NFKB2: variants seen among roughly 807,000 people sequenced by gnomAD.
The protein encoded by NFKB2 is nuclear factor NF-kappa-B p100 subunit.
Under a neutral mutation model 109.3 loss-of-function variants are expected in NFKB2, and 21 were observed. That is an observed-to-expected ratio of 0.19 (90% CI 0.14 to 0.28). The LOEUF is 0.28. Among genes scored for constraint, NFKB2 ranks in the 10% least tolerant of loss-of-function variants. NFKB2 has a pLI of 1.00. For missense variants in NFKB2, 806 were observed against 1,185.3 expected, an observed-to-expected ratio of 0.68 and a Z score of 4.70; for synonymous variants, 478 against 489.9, an observed-to-expected ratio of 0.98 and a Z score of 0.32.
Position 102,397,141 on chromosome 10 carries a change from A to C in NFKB2, c.395+86A>C. 6.4e-7 allele frequency: 1 copy of C among 1,567,808 alleles called. No individual in the cohort carries two copies. The highest frequency in any genetic ancestry group is 8.7e-7 in the Non-Finnish European group (1 of 1,151,724). On this transcript the variant is annotated intron_variant, in intron 6 of 22. Coordinates refer to ENST00000661543, the MANE Select transcript of NFKB2 (RefSeq NM_001322934.2). The surrounding 1 kb of genome is among the most constrained non-coding windows in gnomAD (Gnocchi z 4.7). The stretch of plus-strand genomic sequence containing the variant: ...CCCACCTCCATGAGCTTAGCATCTG[A>C]CCAAGGGGAAAGATGTAGGTTGGCC...
At chr10:102,395,451 A>G (rs1589856334), upstream of NFKB2, among the ~76,000 whole-genome samples, 1 of 152,290 alleles carries the variant, frequency 6.6e-6, no homozygotes, top group East Asian at 1.9e-4. Context: ...ACTTGGCCCC[A>G]GACTGCCAGC....
At chr10:102,395,444 T>G (rs1027973494), upstream of NFKB2, among the ~76,000 whole-genome samples, 1 of 152,144 alleles carries the variant, frequency 6.6e-6, no homozygotes, top group Non-Finnish European at 1.5e-5. Context: ...GAGGCGGACT[T>G]GGCCCCAGAC....
chr10:102,396,182 T>C lies in NFKB2; in HGVS notation c.22-71T>C. The C allele has an allele frequency of 6.5e-7, 1 of 1,534,690 alleles. No individual in the cohort carries two copies. The highest frequency in any genetic ancestry group is 8.9e-7 in the Non-Finnish European group (1 of 1,117,704). On this transcript the variant is annotated intron_variant, in intron 2 of 22. Coordinates refer to ENST00000661543, the MANE Select transcript of NFKB2 (RefSeq NM_001322934.2). This position sits in a 1 kb window ranked among gnomAD's most constrained non-coding sequence, Gnocchi z 5.9. ...GGAGGGGGGAGTGACCACTGAAGAC[T>C]TGGAGATGGGAGGTGGGGCTGTGGG...
chr10:102,399,595 G>T lies in NFKB2; in HGVS notation c.1346G>T (p.Arg449Leu), dbSNP rs1425430729. ...CCCGTAGCTCGAGAGTACAACGCGC[G>T]CCTGTTCGGCCTGGCGCAGCGCAGC... is the stretch of plus-strand genomic sequence containing the variant. ...MLQRAREYNA[R>L]LFGLAQRSAR... is the part of the protein sequence containing the mutation. The change falls in exon 14 of 23, where the codon CGC becomes CTC. Residue 449 changes from arginine to leucine, a missense_variant. Arg to Leu is a moderately radical substitution (Grantham distance 102). Around this residue, in one of 10 missense-constraint regions of NFKB2, gnomAD observed 209 missense variants for 211.9 expected, o/e 0.99. Coordinates refer to ENST00000661543, the MANE Select transcript of NFKB2 (RefSeq NM_001322934.2). 33 of 1,549,198 alleles carry T rather than the reference G, an allele frequency of 2.1e-5. No homozygotes were observed. Among genetic ancestry groups the T allele is most frequent in the Non-Finnish European group, 2.7e-5 (31 of 1,146,990 alleles).
rs374045556 is a variant in NFKB2, at chr10:102,397,546, G to T, written c.522G>T (p.Leu174=). 12 of 1,613,328 alleles carry T rather than the reference G, an allele frequency of 7.4e-6. No individual in the cohort carries two copies. The African/African-American group carries it at 1.2e-4, about 16-fold the overall frequency. ...GCCCAGAGGCCGAGCAGCGGGAGCTGGAGCAAGAGGCCAAAGAACTGAAGA... is the reference window on the plus strand; with the variant it reads ...GCCCAGAGGCCGAGCAGCGGGAGCTTGAGCAAGAGGCCAAAGAACTGAAGA... ...QGLTEAEQRE[L]EQEAKELKKV... The change falls in exon 8 of 23, where the codon CTG becomes CTT. Residue 174 remains leucine, a synonymous_variant. Coordinates refer to ENST00000661543, the MANE Select transcript of NFKB2 (RefSeq NM_001322934.2). This position sits in a 1 kb window ranked among gnomAD's most constrained non-coding sequence, Gnocchi z 4.7.
At position 102,399,058 on chromosome 10, in the gene NFKB2, C is replaced by G; in HGVS notation, c.1117+194C>G. ...TGAAACCTCGTCTCTACTAAAAATA[C>G]AAACATTAGCTGGGCATGGTGGCAG... On this transcript the variant is annotated intron_variant, in intron 12 of 22. Transcript: ENST00000661543. 9.5e-6 allele frequency: 7 copies of G among 735,170 alleles called. No individual in the cohort carries two copies. In the South Asian group the frequency reaches 1.3e-4, roughly 14 times the overall value. The allele number at this position is 735,170 out of a possible 1,614,324, so 45.5% of individuals were successfully genotyped here. A position where few individuals can be genotyped will look rare whatever the true frequency, so the allele number is the denominator to read the frequency against.
At position 102,397,443 on chromosome 10, in the gene NFKB2, AG is replaced by A; in HGVS notation, c.502+40del. On this transcript the variant is annotated intron_variant, in intron 7 of 22. Coordinates refer to ENST00000661543, the MANE Select transcript of NFKB2 (RefSeq NM_001322934.2). This position sits in a 1 kb window ranked among gnomAD's most constrained non-coding sequence, Gnocchi z 4.7. ...CAGGGGGTGGGTCGGGTATGGGTGCAGGGGGTGGGTGGGTCATGGGAGGTGC... is the reference window on the plus strand; with the variant it reads ...CAGGGGGTGGGTCGGGTATGGGTGCAGGGGTGGGTGGGTCATGGGAGGTGC... The A allele has an allele frequency of 2.3e-5, 3 of 131,978 alleles. No homozygotes were observed. Among genetic ancestry groups the A allele is most frequent in the Non-Finnish European group, 2.3e-5 (2 of 88,346 alleles). 8.2% of individuals were successfully genotyped at this position (131,978 alleles called of 1,614,324 possible).
rs763926889 is a variant in NFKB2 at position 102,401,786 on chromosome 10, G to A, written c.2335G>A (p.Glu779Lys). 6.2e-7 allele frequency: 1 copy of A among 1,612,948 alleles called. No individual in the cohort carries two copies. The highest frequency in any genetic ancestry group is 8.5e-7 in the Non-Finnish European group (1 of 1,179,504). Residue 779 changes from glutamate to lysine, a missense_variant, in exon 21 of 23, where the codon GAG becomes AAG. Around this residue, in one of 10 missense-constraint regions of NFKB2, gnomAD observed 211 missense variants for 268.7 expected, o/e 0.79. Transcript: ENST00000661543. The surrounding 1 kb of genome is among the most constrained non-coding windows in gnomAD (Gnocchi z 4.2). ...TGGTGATACAGCTCTGCAGAACCTG[G>A]AGCAGCTGCTAGACGGGCCAGAAGC... Reference protein sequence around the residue: ...SLGDTALQNLEQLLDGPEAQG... With the variant: ...SLGDTALQNLKQLLDGPEAQG...
chr10:102,398,848 C>CGGA lies in NFKB2; in HGVS notation c.1106_1108dup (p.Gly369dup), dbSNP rs746696063. 1 of 1,597,528 alleles carries CGGA rather than the reference C, an allele frequency of 6.3e-7. No individual in the cohort carries two copies. Among genetic ancestry groups the CGGA allele is most frequent in the African/African-American group, 1.3e-5 (1 of 74,498 alleles). ...GCTCTGGGGGTGCAGCCGGGGGCTA[C>CGGA]GGAGGAGCTGGAGGAGGTGAGGGGG... On this transcript the variant is annotated inframe_insertion, in exon 12 of 23. Coordinates refer to ENST00000661543, the MANE Select transcript of NFKB2 (RefSeq NM_001322934.2). This position sits in a 1 kb window ranked among gnomAD's most constrained non-coding sequence, Gnocchi z 6.6.
chr10:102,395,319 G>A (rs963380105), upstream of NFKB2, among the ~76,000 whole-genome samples: 35 of 152,302 alleles, frequency 2.3e-4, no homozygotes, highest in African/African-American at 8.4e-4. Flanking sequence ...GCTGTTCGAA[G>A]GGGAGGCCGT....
rs776775940 is a variant in NFKB2 at position 102,401,737 on chromosome 10, C to T, written c.2294-8C>T. On this transcript the variant is annotated splice_polypyrimidine_tract_variant and splice_region_variant and intron_variant, in intron 20 of 22. Coordinates refer to ENST00000661543, the MANE Select transcript of NFKB2 (RefSeq NM_001322934.2). The surrounding 1 kb of genome is among the most constrained non-coding windows in gnomAD (Gnocchi z 4.2). The stretch of plus-strand genomic sequence containing the variant: ...TAAATGACATGTCTGTATGTGTGTC[C>T]CCCTAAGGGCCGGGACTGTCACTTG... The T allele has an allele frequency of 3.5e-5, 56 of 1,590,426 alleles. No individual in the cohort carries two copies. In the South Asian group the frequency reaches 5.9e-4, roughly 17 times the overall value.
chr10:102,396,290 T>G lies in NFKB2; in HGVS notation c.59T>G (p.Leu20Trp), dbSNP rs1424290307. 1 of 1,612,892 alleles carries G rather than the reference T, an allele frequency of 6.2e-7. No individual in the cohort carries two copies. The highest frequency in any genetic ancestry group is 8.5e-7 in the Non-Finnish European group (1 of 1,179,122). Residue 20 changes from leucine to tryptophan, a missense_variant, in exon 3 of 23, where the codon TTG becomes TGG. Transcript: ENST00000661543. The surrounding 1 kb of genome is among the most constrained non-coding windows in gnomAD (Gnocchi z 5.9). ...ATTATTGAATATGATGATTTCAAAT[T>G]GAACTCCTCCATTGTGGAACCCAAG... ...DGIIEYDDFKLNSSIVEPKEP... is the reference protein window; with the variant it reads ...DGIIEYDDFKWNSSIVEPKEP...
rs2061245821 is a variant in NFKB2 at position 102,401,452 on chromosome 10, A to G, written c.2227A>G (p.Lys743Glu). ...PLDLTCSTKV[K>E]TLLLNAAQNT... ...AGAACTGCGGCTGTCTCCCCAGGTG[A>G]AGACCTTGCTGCTAAATGCTGCTCA... is the stretch of plus-strand genomic sequence containing the variant. The change falls in exon 20 of 23, where the codon AAG becomes GAG. Residue 743 changes from lysine to glutamate, a missense_variant. Coordinates refer to ENST00000661543, the MANE Select transcript of NFKB2 (RefSeq NM_001322934.2). The surrounding 1 kb of genome is among the most constrained non-coding windows in gnomAD (Gnocchi z 4.2). The G allele has an allele frequency of 6.2e-7, 1 of 1,613,872 alleles. No homozygotes were observed. Among genetic ancestry groups the G allele is most frequent in the East Asian group, 2.2e-5 (1 of 44,866 alleles).
At chr10:102,402,201 C>A (rs1298922435) in intron 22 of NFKB2, 42 bp downstream of exon 22, 1 of 1,552,562 alleles carries the variant, frequency 6.4e-7, no homozygotes, top group Non-Finnish European at 8.7e-7. Flanking sequence ...ACCTGGAGGG[C>A]CGGAGGCCTG....
Position 102,401,548 on chromosome 10 carries a change from C to G in NFKB2, c.2293+30C>G. The G allele has an allele frequency of 6.2e-7, 1 of 1,607,114 alleles. No homozygotes were observed. The highest frequency in any genetic ancestry group is 8.5e-7 in the Non-Finnish European group (1 of 1,176,952). On this transcript the variant is annotated intron_variant, in intron 20 of 22. Transcript: ENST00000661543. This position sits in a 1 kb window ranked among gnomAD's most constrained non-coding sequence, Gnocchi z 4.2. ...GAAGCATCAGGCATCCCCAGCCCGA[C>G]TCCTCTGACTCCTCACAGAGGTCTC...
In NFKB2 at chr10:102,402,511, T is replaced by C. The variant is rs2061287233; in HGVS notation, c.*135T>C. 1.7e-6 allele frequency: 1 copy of C among 585,524 alleles called. No homozygotes were observed. The highest frequency in any genetic ancestry group is 2.9e-6 in the Non-Finnish European group (1 of 339,828). 36.3% of individuals were successfully genotyped at this position (585,524 alleles called of 1,614,324 possible). ...ATTCTCATGGGAAGGGGAGGACCCC[T>C]CCTTCCCAACTTATGGCAGCCCCTG... is the stretch of plus-strand genomic sequence containing the variant. On this transcript the variant is annotated 3_prime_UTR_variant, in exon 23 of 23. Transcript: ENST00000661543.
At chr10:102,394,152 G>A (rs756963009), upstream of NFKB2, 5 of 152,318 alleles carry the variant, frequency 3.3e-5, no homozygotes, top group Non-Finnish European at 7.3e-5. Flanking sequence ...CGCTCAGGGT[G>A]GGGGCCCCGA....
chr10:102,401,238 C>A lies in NFKB2; in HGVS notation c.2130C>A (p.Thr710=). The A allele has an allele frequency of 6.2e-7, 1 of 1,611,584 alleles. No individual in the cohort carries two copies. Residue 710 remains threonine (T), a synonymous_variant, in exon 19 of 23, where the codon ACC becomes ACA. Coordinates refer to ENST00000661543, the MANE Select transcript of NFKB2 (RefSeq NM_001322934.2). The surrounding 1 kb of genome is among the most constrained non-coding windows in gnomAD (Gnocchi z 4.2). The part of the protein sequence containing the change: ...EPLCPLPSPP[T]SDSDSDSEGP... ...TGTGCCCACTGCCTTCACCCCCTAC[C>A]TCTGATAGCGACTCGGACTCTGAAG... is the stretch of plus-strand genomic sequence containing the variant.
Position 102,397,762 on chromosome 10 carries a change from A to C in NFKB2, c.661+77A>C. The stretch of plus-strand genomic sequence containing the variant: ...AGGGGTGACCTCAAGCTGTGCAGTC[A>C]AACAGACCCAGGTTTCAGAACCTGG... On this transcript the variant is annotated intron_variant, in intron 8 of 22. Transcript: ENST00000661543. The surrounding 1 kb of genome is among the most constrained non-coding windows in gnomAD (Gnocchi z 4.7). The C allele has an allele frequency of 6.5e-7, 1 of 1,533,232 alleles. No individual in the cohort carries two copies. 95.0% of individuals were successfully genotyped at this position (1,533,232 alleles called of 1,614,324 possible).
Sources: allele counts gnomAD v4.1 joint callset (sites outside exome capture counted in the v4.1 genomes callset), GRCh38; gene constraint gnomAD v4.1.1; regional missense constraint gnomAD v4.1.1; non-coding constraint Gnocchi (gnomAD v3.1); transcripts MANE v1.5; gene names NCBI Gene and HGNC (gene_info 2026-07-23, HGNC 2026-07-21).